GIGYF2: variants seen among roughly 807,000 people sequenced by gnomAD.
GIGYF2 encodes GRB10-interacting GYF protein 2.
Under a neutral mutation model 208.1 loss-of-function variants are expected in GIGYF2, and 25 were observed. That is an observed-to-expected ratio of 0.12 (90% CI 0.09 to 0.17). GIGYF2 has a LOEUF of 0.17. GIGYF2 is among the 10% of genes least tolerant of loss of function. The pLI is 1.00. For synonymous variants in GIGYF2, 534 were observed against 543.8 expected, an observed-to-expected ratio of 0.98 and a Z score of 0.25; for missense variants, 1,302 against 1,579.4, an observed-to-expected ratio of 0.82 and a Z score of 2.98.
intron 8 of GIGYF2, among the ~76,000 whole-genome samples, chr2:232,769,119 C>T (rs192947357): frequency 3.4e-4 from 51 of 152,162 alleles, no homozygotes; most frequent in African/African-American, 1.1e-3. Flanking sequence ...TATATTCCTG[C>T]CTGTGCTTAA....
chr2:232,829,276 C>T (rs1432223578), intron 21 of GIGYF2, among the ~76,000 whole-genome samples: 1 of 151,990 alleles, frequency 6.6e-6, no homozygotes, highest in African/African-American at 2.4e-5. Flanking sequence ...TGATTGTATT[C>T]CTTGTCTTAA....
intron 17 of GIGYF2, among the ~76,000 whole-genome samples, chr2:232,811,639 G>C (rs970578999): frequency 6.6e-6 from 1 of 152,150 alleles, no homozygotes; most frequent in Non-Finnish European, 1.5e-5. Context: ...CAGAAAAACT[G>C]TAGCCTAGGA....
At position 232,760,460 on chromosome 2, in the gene GIGYF2, TTC is replaced by T; in HGVS notation, c.380-18_380-17del. 6.6e-7 allele frequency: 1 copy of T among 1,507,716 alleles called. No individual in the cohort carries two copies. Among genetic ancestry groups the T allele is most frequent in the Non-Finnish European group, 9.2e-7 (1 of 1,083,350 alleles). The allele number at this position is 1,507,716 out of a possible 1,614,324, so 93.4% of individuals were successfully genotyped here. On this transcript the variant is annotated intron_variant, in intron 6 of 28. Coordinates refer to ENST00000373563, the MANE Select transcript of GIGYF2 (RefSeq NM_001103146.3). ...ATGTTGACATCTGACTATCATTTTT[TTC>T]TGTTTTCTTATTTTCAGGCAGAGGC... is the stretch of plus-strand genomic sequence containing the variant.
chr2:232,847,506 CAG>C lies in GIGYF2; in HGVS notation c.3620_3621del (p.Gln1207ProfsTer49), dbSNP rs751668574. ...GAAAGCCAACCAGCAGCGTCAGCAG[CAG>C]CAGCTGCCACAGCAGCAGCAGCAGC... ...KQKANQQRQQQQLPQQQQQQP... is the reference protein window; with the variant it reads ...KQKANQQRQQXQLPQQQQQQP... On this transcript the variant is annotated frameshift_variant, in exon 27 of 29. Coordinates refer to ENST00000373563, the MANE Select transcript of GIGYF2 (RefSeq NM_001103146.3). LOFTEE classifies it high-confidence loss of function. 7.2e-7 allele frequency: 1 copy of C among 1,384,810 alleles called. No homozygotes were observed. Among genetic ancestry groups the C allele is most frequent in the Non-Finnish European group, 9.9e-7 (1 of 1,007,806 alleles). The allele number at this position is 1,384,810 out of a possible 1,614,324, so 85.8% of individuals were successfully genotyped here.
intron 8 of GIGYF2, among the ~76,000 whole-genome samples, chr2:232,786,007 A>G (rs1699896573): frequency 1.3e-5 from 2 of 152,250 alleles, no homozygotes; most frequent in Admixed American, 6.5e-5. Flanking sequence ...TATGAGTTAT[A>G]TATGTTAGCA....
intron 28 of GIGYF2, among the ~76,000 whole-genome samples, chr2:232,856,464 C>CG (rs1366478566): frequency 2.6e-5 from 4 of 151,846 alleles, no homozygotes; most frequent in African/African-American, 7.3e-5. Flanking sequence ...CCGAGGCGGG[C>CG]GGATCATTTG....
chr2:232,703,706 A>G (rs1420212111), intron 2 of GIGYF2, among the ~76,000 whole-genome samples: 3 of 152,168 alleles, frequency 2.0e-5, no homozygotes, highest in Non-Finnish European at 1.5e-5. Context: ...AAACTGTCAT[A>G]ATAATTTTTT....
chr2:232,746,087 G>A (rs1300482354), intron 3 of GIGYF2, among the ~76,000 whole-genome samples: 1 of 151,718 alleles, frequency 6.6e-6, no homozygotes, highest in African/African-American at 2.4e-5. Flanking sequence ...GTGAGACCCT[G>A]TCTCTACAGA....
At chr2:232,814,206 C>T (rs73005582) in intron 18 of GIGYF2, among the ~76,000 whole-genome samples, 25,218 of 151,886 alleles carry the variant, frequency 0.17, 2,628 homozygotes, top group Non-Finnish European at 0.22. Context: ...CAATTTTACA[C>T]GTAAATACTT....
At position 232,844,340 on chromosome 2, in the gene GIGYF2, A is replaced by G; in HGVS notation, c.3100-29A>G. 1.2e-6 allele frequency: 2 copies of G among 1,609,114 alleles called. 1 individual carries two copies. Among genetic ancestry groups the G allele is most frequent in the South Asian group, 2.2e-5 (2 of 90,972 alleles). ...TCTTATCTTTTTAACATGATTCACG[A>G]TAATCATTTTTCTCTTTTTCTTTAA... On this transcript the variant is annotated intron_variant, in intron 24 of 28. Coordinates refer to ENST00000373563, the MANE Select transcript of GIGYF2 (RefSeq NM_001103146.3).
chr2:232,739,376 CA>C (rs1487034550), intron 3 of GIGYF2, among the ~76,000 whole-genome samples: 4 of 82,170 alleles, frequency 4.9e-5, no homozygotes, highest in Non-Finnish European at 5.0e-5. Flanking sequence ...CCCCCCCCCG[CA>C]AAAAAAAAGA....
intron 5 of GIGYF2, among the ~76,000 whole-genome samples, chr2:232,756,011 G>C (rs1259807661): frequency 6.6e-6 from 1 of 152,132 alleles, no homozygotes; most frequent in Admixed American, 6.5e-5. Context: ...TTGTTGATCT[G>C]AAATGTTAAT....
chr2:232,802,781 G>T (rs969506998), intron 14 of GIGYF2, among the ~76,000 whole-genome samples: 4 of 152,024 alleles, frequency 2.6e-5, no homozygotes, highest in African/African-American at 9.7e-5. Flanking sequence ...AGGTAATCTT[G>T]CTTCCTTTTC....
Position 232,844,287 on chromosome 2 carries a change from G to A in GIGYF2, c.3099+32G>A, listed in dbSNP as rs113286067. ...GCATTTTCCTAAGCTGTCGTTGTAT[G>A]GACTAGTATTATCTTTTCTGACTGT... On this transcript the variant is annotated intron_variant, in intron 24 of 28. Transcript: ENST00000373563. 4.0e-5 allele frequency: 64 copies of A among 1,610,340 alleles called. 2 individuals are homozygous for A. In the African/African-American group the frequency reaches 6.0e-4, roughly 15 times the overall value.
Position 232,832,884 on chromosome 2 carries a change from G to A in GIGYF2, c.2557G>A (p.Glu853Lys). ...QEEEAAKWAR[E>K]EEEAQRRLEE... ...AGAGGAGGCTGCAAAATGGGCCCGG[G>A]AAGAAGAAGAAGCCCAGCGTCGATT... The change falls in exon 22 of 29, where the codon GAA becomes AAA. Residue 853 changes from glutamate to lysine, a missense_variant. This residue lies in a region of GIGYF2 where 701 missense variants were observed against 793.0 expected (regional missense o/e 0.88). Coordinates refer to ENST00000373563, the MANE Select transcript of GIGYF2 (RefSeq NM_001103146.3). 1 of 1,557,194 alleles carries A rather than the reference G, an allele frequency of 6.4e-7. No individual in the cohort carries two copies. The highest frequency in any genetic ancestry group is 2.4e-5 in the East Asian group (1 of 41,330).
chr2:232,786,785 G>A (rs1699921452), intron 8 of GIGYF2, among the ~76,000 whole-genome samples: 1 of 152,306 alleles, frequency 6.6e-6, no homozygotes, highest in South Asian at 2.1e-4. Context: ...AGGGAGCTAT[G>A]TATACATGTG....
chr2:232,801,326 C>T lies in GIGYF2; in HGVS notation c.1639+5105C>T, dbSNP rs534049875. Among the ~76,000 whole-genome samples the T allele has an allele frequency of 6.8e-4, 103 of 151,228 alleles. 1 individual carries two copies. Among genetic ancestry groups the T allele is most frequent in the African/African-American group, 2.2e-3 (91 of 41,206 alleles). On this transcript the variant is annotated intron_variant, in intron 14 of 28. Transcript: ENST00000373563. ...GGAGGATCACTTGAGTCCAAGAGTT[C>T]GAGACCAGCCTGGGCAACACAGTGA...
intron 18 of GIGYF2, among the ~76,000 whole-genome samples, chr2:232,813,507 G>A (rs536121930): frequency 2.0e-5 from 3 of 152,110 alleles, no homozygotes; most frequent in Admixed American, 1.3e-4. Flanking sequence ...GCGCCCAGCC[G>A]AGCACCTCTG....
In GIGYF2 at chr2:232,857,076, CT is replaced by C. The variant is rs752291328; in HGVS notation, c.*217del. 2.0e-5 allele frequency: 12 copies of C among 594,426 alleles called. No individual in the cohort carries two copies. The highest frequency in any genetic ancestry group is 3.6e-5 in the Non-Finnish European group (12 of 330,490). The allele number at this position is 594,426 out of a possible 1,614,324, so 36.8% of individuals were successfully genotyped here. A position where few individuals can be genotyped will look rare whatever the true frequency, so the allele number is the denominator to read the frequency against. On this transcript the variant is annotated 3_prime_UTR_variant, in exon 29 of 29. Transcript: ENST00000373563. ...AGACTATAGATAAGTGGACTGGACC[CT>C]GTGTCTTGGGGGTGGCAGTTGGGAT... is the stretch of plus-strand genomic sequence containing the variant.
Sources: gnomAD v4.1 joint callset for allele counts (sites outside exome capture counted in the v4.1 genomes callset) on GRCh38, gnomAD v4.1.1 for gene constraint, gnomAD v4.1.1 regional missense constraint, MANE v1.5 for transcripts, NCBI Gene and HGNC (gene_info 2026-07-23, HGNC 2026-07-21) for gene names.